The following NVL variants were observed in gnomAD, a reference collection of about 807,000 sequenced individuals.
The protein encoded by NVL is nuclear VCP like, also known as nuclear valosin-containing protein-like.
In NVL, 84 loss-of-function variants were observed where a neutral mutation model predicts 110.2. That is an observed-to-expected ratio of 0.76 (90% CI 0.64 to 0.91). The LOEUF (loss-of-function observed/expected upper bound fraction) is 0.91. Among genes scored for constraint, NVL ranks in the 40% least tolerant of loss-of-function variants. The pLI, the probability that NVL is intolerant of heterozygous loss-of-function variation, is 0.00. For missense variants in NVL, 882 were observed against 1,035.9 expected (o/e 0.85, Z 2.04); for synonymous variants, 354 against 361.1 (o/e 0.98, Z 0.22).
At chr1:224,261,732 G>A (rs1040282459) in intron 18 of NVL, among the ~76,000 whole-genome samples, 2 of 151,886 alleles carry the variant, frequency 1.3e-5, no homozygotes, top group Non-Finnish European at 2.9e-5. Flanking sequence ...TGGGAGGATC[G>A]CTTGAGCCCA....
chr1:224,263,172 C>T (rs1664152619), intron 18 of NVL, among the ~76,000 whole-genome samples: 1 of 152,178 alleles, frequency 6.6e-6, no homozygotes, highest in Non-Finnish European at 1.5e-5. Flanking sequence ...ATAAGCTTTT[C>T]CTGCCATTTG....
chr1:224,279,944 A>G (rs1195011151), intron 16 of NVL, among the ~76,000 whole-genome samples: 1 of 152,072 alleles, frequency 6.6e-6, no homozygotes, highest in Non-Finnish European at 1.5e-5. Context: ...TCAGCCTCCC[A>G]AAGTGCTGGG....
intron 17 of NVL, 35 bp downstream of exon 17, chr1:224,275,304 A>G: frequency 6.2e-7 from 1 of 1,613,442 alleles, no homozygotes; most frequent in Non-Finnish European, 8.5e-7. Context: ...TATTGTGCTA[A>G]AAGAATCTGA....
At chr1:224,327,528 T>A (rs574323772) in intron 1 of NVL, among the ~76,000 whole-genome samples, 4 of 152,188 alleles carry the variant, frequency 2.6e-5, no homozygotes, top group South Asian at 4.2e-4. Context: ...TCAGGCTATG[T>A]GTGTAAGGTG....
At chr1:224,285,968 C>G in intron 15 of NVL, 58 bp downstream of exon 15, 2 of 1,295,682 alleles carry the variant, frequency 1.5e-6, no homozygotes, top group Non-Finnish European at 2.2e-6. Context: ...AAGTTAAGTT[C>G]ATATTATCCT....
chr1:224,303,367 G>A (rs746453184), intron 9 of NVL, among the ~76,000 whole-genome samples: 34 of 151,682 alleles, frequency 2.2e-4, no homozygotes, highest in Admixed American at 9.9e-4. Context: ...CCCGGGAGGC[G>A]GAGGTTGCAG....
intron 19 of NVL, among the ~76,000 whole-genome samples, chr1:224,249,797 G>C (rs1178617614): frequency 6.6e-6 from 1 of 152,128 alleles, no homozygotes; most frequent in Non-Finnish European, 1.5e-5. Flanking sequence ...ACAGTGGTGT[G>C]ATCACAGCTC....
chr1:224,299,315 GA>G (rs556649288), intron 10 of NVL, among the ~76,000 whole-genome samples: 5 of 151,578 alleles, frequency 3.3e-5, no homozygotes, highest in African/African-American at 1.2e-4. Flanking sequence ...TTGAATGGGG[GA>G]AAAAAAAGAA....
At chr1:224,261,258 A>C (rs1663953886) in intron 18 of NVL, among the ~76,000 whole-genome samples, 1 of 151,934 alleles carries the variant, frequency 6.6e-6, no homozygotes, top group Admixed American at 6.6e-5. Context: ...CTCTTGCCTC[A>C]GCCTCCCAAA....
In NVL at chr1:224,287,792, G is replaced by A. The variant is rs1408182002; in HGVS notation, c.1777C>T (p.Leu593Phe). The stretch of plus-strand genomic sequence containing the variant: ...ATACCTACCAATATTGCCATGGTGA[G>A]CTCCTCTCTAATGTCTTCCAGGGCA... Reference protein sequence around the residue: ...IGALEDIREELTMAILAPVRN... With the variant: ...IGALEDIREEFTMAILAPVRN... Residue 593 changes from leucine to phenylalanine, a missense_variant, in exon 14 of 23, where the codon CTC becomes TTC. Transcript: ENST00000281701. The A allele has an allele frequency of 1.9e-6, 3 of 1,613,928 alleles. No homozygotes were observed. The highest frequency in any genetic ancestry group is 2.5e-6 in the Non-Finnish European group (3 of 1,179,842).
chr1:224,228,690 A>G (rs1392613877), intron 22 of NVL, among the ~76,000 whole-genome samples: 1 of 149,860 alleles, frequency 6.7e-6, no homozygotes, highest in East Asian at 2.1e-4. Context: ...CTGTAATCCC[A>G]GCACTTTGGG....
At chr1:224,278,498 A>G (rs1336218756) in intron 16 of NVL, among the ~76,000 whole-genome samples, 1 of 151,882 alleles carries the variant, frequency 6.6e-6, no homozygotes, top group Non-Finnish European at 1.5e-5. Context: ...CCCAAAGTGC[A>G]GGGATTATAG....
chr1:224,273,464 T>C (rs1665405532), intron 17 of NVL, among the ~76,000 whole-genome samples: 1 of 150,230 alleles, frequency 6.7e-6, no homozygotes, highest in Admixed American at 6.6e-5. Context: ...AAGAAACAGA[T>C]AAGGCTGCTC....
chr1:224,237,961 CA>C lies in NVL; in HGVS notation c.2290-1380del, dbSNP rs200152434. Among the ~76,000 whole-genome samples the C allele has an allele frequency of 5.5e-3, 745 of 135,344 alleles. 2 individuals are homozygous for C. The highest frequency in any genetic ancestry group is 0.021 in the African/African-American group (710 of 33,542). The allele number at this position is 135,344 out of a possible 152,430, so 88.8% of individuals were successfully genotyped here. On this transcript the variant is annotated intron_variant, in intron 19 of 22. Transcript: ENST00000281701. Reference sequence around the variant, plus strand: ...AGTTGGAGAGTTGGAGACTTGGTTTCAAAAAAAAAAAAAAAAAAAAAAAAGA... The same window carrying C: ...AGTTGGAGAGTTGGAGACTTGGTTTCAAAAAAAAAAAAAAAAAAAAAAAGA...
At chr1:224,309,710 C>T (rs181477393) in intron 5 of NVL, among the ~76,000 whole-genome samples, 5 of 152,014 alleles carry the variant, frequency 3.3e-5, no homozygotes, top group Admixed American at 6.6e-5. Flanking sequence ...CACAGTACAC[C>T]AATAAAAATA....
intron 5 of NVL, among the ~76,000 whole-genome samples, chr1:224,310,677 C>T (rs1669424602): frequency 6.6e-6 from 1 of 152,098 alleles, no homozygotes; most frequent in South Asian, 2.1e-4. Flanking sequence ...CCCTGTCCTT[C>T]CTTTCTCCCT....
intron 4 of NVL, among the ~76,000 whole-genome samples, chr1:224,316,642 G>A (rs1670092409): frequency 1.6e-5 from 2 of 126,748 alleles, no homozygotes; most frequent in African/African-American, 6.0e-5. Flanking sequence ...CAGCCTGGGT[G>A]ACAGAGTAAA....
intron 15 of NVL, among the ~76,000 whole-genome samples, chr1:224,283,811 G>A (rs530595312): frequency 9.9e-5 from 15 of 152,152 alleles, no homozygotes; most frequent in Non-Finnish European, 1.6e-4. Flanking sequence ...ATCAATGACT[G>A]TGTTGTTCTC....
chr1:224,300,313 T>A (rs993412115), intron 10 of NVL, among the ~76,000 whole-genome samples: 29 of 152,240 alleles, frequency 1.9e-4, no homozygotes, highest in African/African-American at 5.8e-4. Flanking sequence ...CTACAGGGTA[T>A]GACGGCCCAG....
Sources: allele counts gnomAD v4.1 joint callset (sites outside exome capture counted in the v4.1 genomes callset), GRCh38; gene constraint gnomAD v4.1.1; transcripts MANE v1.5; gene names NCBI Gene and HGNC (gene_info 2026-07-23, HGNC 2026-07-21).